NCOA1: variants seen among roughly 807,000 people sequenced by gnomAD.
NCOA1 encodes the protein Hin-2 protein.
NCOA1 carries 35 observed loss-of-function variants against 150.9 expected under a neutral mutation model. That is an observed-to-expected ratio of 0.23 (90% CI 0.18 to 0.31). The LOEUF is 0.31. Among genes scored for constraint, NCOA1 ranks in the 10% least tolerant of loss-of-function variants. The pLI is 1.00. For missense variants in NCOA1, 1,491 were observed against 1,749.3 expected, an observed-to-expected ratio of 0.85 and a Z score of 2.63; for synonymous variants, 590 against 630.0, an observed-to-expected ratio of 0.94 and a Z score of 0.95.
chr2:24,648,093 T>C (rs1670555633), intron 4 of NCOA1, among the ~76,000 whole-genome samples: 1 of 152,186 alleles, frequency 6.6e-6, no homozygotes, highest in Non-Finnish European at 1.5e-5. Flanking sequence ...TAAGAGGATA[T>C]TGATGCTATT....
rs773857143 is a variant in NCOA1, at chr2:24,765,896, C to CTTTTTTTTT, written c.4156-2314_4156-2306dup. On this transcript the variant is annotated intron_variant, in intron 22 of 22. Coordinates refer to ENST00000348332, the MANE Select transcript of NCOA1 (RefSeq NM_003743.5). ...AGTTTTCTGTAATTTCAATAATACA[C>CTTTTTTTTT]TTTTTTTTTTTTTTTTTTTGAGACG... Among the ~76,000 whole-genome samples, 11 of 128,034 alleles carry CTTTTTTTTT rather than the reference C, an allele frequency of 8.6e-5. 1 individual carries two copies. The highest frequency in any genetic ancestry group is 2.5e-4 in the South Asian group (1 of 4,032). 84.0% of individuals were successfully genotyped at this position (128,034 alleles called of 152,430 possible). A position where few individuals can be genotyped will look rare whatever the true frequency, so the allele number is the denominator to read the frequency against.
Position 24,762,604 on chromosome 2 carries a change from A to G in NCOA1, c.4066-83A>G, listed in dbSNP as rs970467275. ...GCTGTGCTCCTATTACTTTTCTGTC[A>G]GTGAGATTGTTTTTCATTGGAGAAT... On this transcript the variant is annotated intron_variant, in intron 21 of 22. Transcript: ENST00000348332. 5.1e-6 allele frequency: 6 copies of G among 1,184,644 alleles called. No homozygotes were observed. In the African/African-American group the frequency reaches 7.6e-5, roughly 15 times the overall value. The allele number at this position is 1,184,644 out of a possible 1,614,324, so 73.4% of individuals were successfully genotyped here.
chr2:24,665,692 A>C (rs1182422308), intron 5 of NCOA1, 57 bp from the exon 6 acceptor site: 39 of 1,300,856 alleles, frequency 3.0e-5, no homozygotes, highest in Non-Finnish European at 3.9e-5. Flanking sequence ...ATACTTGATC[A>C]GAGAAGGAAA....
intron 3 of NCOA1, among the ~76,000 whole-genome samples, chr2:24,586,403 T>C (rs1051227490): frequency 6.6e-6 from 1 of 151,512 alleles, no homozygotes; most frequent in African/African-American, 2.4e-5. Context: ...TTTGTTTGTT[T>C]AAGACAAAAA....
At chr2:24,692,702 G>A (rs1177830131) in intron 9 of NCOA1, among the ~76,000 whole-genome samples, 1 of 152,072 alleles carries the variant, frequency 6.6e-6, no homozygotes, top group Non-Finnish European at 1.5e-5. Flanking sequence ...CTCTCCTCTG[G>A]TATATATAAG....
At chr2:24,671,658 C>T (rs56020106) in intron 6 of NCOA1, among the ~76,000 whole-genome samples, 1,898 of 152,002 alleles carry the variant, frequency 0.012, 44 homozygotes, top group African/African-American at 0.043. Context: ...CCTCCCAGGT[C>T]CAAGCAATTA....
chr2:24,764,327 A>G (rs1664941501), intron 22 of NCOA1, among the ~76,000 whole-genome samples: 1 of 152,222 alleles, frequency 6.6e-6, no homozygotes, highest in Non-Finnish European at 1.5e-5. Flanking sequence ...ATATGCACCT[A>G]AACTGTCATA....
intron 14 of NCOA1, among the ~76,000 whole-genome samples, chr2:24,719,489 T>G (rs1674249847): frequency 6.6e-6 from 1 of 152,138 alleles, no homozygotes; most frequent in Non-Finnish European, 1.5e-5. Flanking sequence ...TATCTGAGAG[T>G]AGAATGATTT....
chr2:24,581,052 G>T (rs1667174533), intron 2 of NCOA1, among the ~76,000 whole-genome samples: 1 of 152,186 alleles, frequency 6.6e-6, no homozygotes, highest in Non-Finnish European at 1.5e-5. Flanking sequence ...CTTTGTTACT[G>T]CTGGTCATGG....
At chr2:24,597,034 T>C (rs540001290) in intron 3 of NCOA1, among the ~76,000 whole-genome samples, 7 of 152,354 alleles carry the variant, frequency 4.6e-5, no homozygotes, top group Admixed American at 4.6e-4. Context: ...TGTTTGTTTT[T>C]ACACACTGTG....
chr2:24,619,959 GT>G (rs1229737219), intron 3 of NCOA1, among the ~76,000 whole-genome samples: 3 of 151,878 alleles, frequency 2.0e-5, no homozygotes, highest in African/African-American at 7.3e-5. Flanking sequence ...AGATTTTCTT[GT>G]TCTTCTTTAA....
chr2:24,600,136 A>C (rs539332667), intron 3 of NCOA1, among the ~76,000 whole-genome samples: 1 of 152,140 alleles, frequency 6.6e-6, no homozygotes, highest in Admixed American at 6.5e-5. Flanking sequence ...TCTTTAGTCT[A>C]TCAGTCTCAG....
intron 3 of NCOA1, among the ~76,000 whole-genome samples, chr2:24,630,845 G>C (rs6739622): frequency 0.76 from 114,928 of 152,032 alleles, 45,219 homozygotes; most frequent in Non-Finnish European, 0.85. Context: ...TATTCTATTA[G>C]AAAAAGCAAA....
intron 3 of NCOA1, among the ~76,000 whole-genome samples, chr2:24,591,908 A>T (rs1475490882): frequency 6.6e-6 from 1 of 152,188 alleles, no homozygotes; most frequent in Non-Finnish European, 1.5e-5. Context: ...ATTAAAAAAA[A>T]GTTTTCTTGA....
chr2:24,715,153 A>G (rs1267300663), intron 14 of NCOA1, among the ~76,000 whole-genome samples: 3 of 152,160 alleles, frequency 2.0e-5, no homozygotes, highest in Non-Finnish European at 2.9e-5. Flanking sequence ...AGATTACACT[A>G]TTGTTCAAGC....
At chr2:24,764,394 C>T (rs928619275) in intron 22 of NCOA1, among the ~76,000 whole-genome samples, 1 of 152,084 alleles carries the variant, frequency 6.6e-6, no homozygotes, top group Non-Finnish European at 1.5e-5. Flanking sequence ...CATAAGCATT[C>T]AAAGAAAGGA....
intron 4 of NCOA1, among the ~76,000 whole-genome samples, chr2:24,644,996 A>G (rs924534630): frequency 2.6e-5 from 4 of 152,074 alleles, no homozygotes; most frequent in Non-Finnish European, 4.4e-5. Context: ...CTGTCAACCT[A>G]GAGTGTGGGG....
At chr2:24,616,768 A>G (rs554699566) in intron 3 of NCOA1, among the ~76,000 whole-genome samples, 2 of 152,254 alleles carry the variant, frequency 1.3e-5, no homozygotes, top group South Asian at 4.1e-4. Flanking sequence ...AGAACTGAGG[A>G]AAGTAGAGCA....
intron 3 of NCOA1, among the ~76,000 whole-genome samples, chr2:24,585,363 A>AT (rs978223242): frequency 7.7e-4 from 117 of 151,902 alleles, no homozygotes; most frequent in African/African-American, 2.5e-3. Context: ...TTACTTTGTG[A>AT]TTTTTTTTAT....
Sources: gnomAD v4.1 joint callset for allele counts (sites outside exome capture counted in the v4.1 genomes callset) on GRCh38, gnomAD v4.1.1 for gene constraint, MANE v1.5 for transcripts, NCBI Gene and HGNC (gene_info 2026-07-23, HGNC 2026-07-21) for gene names.